The following TBL1X variants were observed in gnomAD, a reference collection of about 807,000 sequenced individuals.
TBL1X encodes F-box-like/WD repeat-containing protein TBL1X.
Under a neutral mutation model 50.7 loss-of-function variants are expected in TBL1X, and 10 were observed. The ratio of observed to expected loss-of-function variants is 0.20; its 90% CI spans 0.12 to 0.33. The LOEUF is 0.33. TBL1X is among the 10% of genes least tolerant of loss of function. TBL1X has a pLI of 1.00. For synonymous variants in TBL1X, 190 were observed against 214.7 expected, an observed-to-expected ratio of 0.88 and a Z score of 1.01; for missense variants, 340 against 504.4, an observed-to-expected ratio of 0.67 and a Z score of 3.12.
intron 11 of TBL1X, among the ~76,000 whole-genome samples, chrX:9,697,168 T>C (rs749855794): frequency 8.9e-6 from 1 of 112,353 alleles, no homozygotes; most frequent in Non-Finnish European, 1.9e-5. Flanking sequence ...ATATAATAGA[T>C]TGCTAATGAA....
At chrX:9,600,615 T>C (rs2082551810) in intron 2 of TBL1X, among the ~76,000 whole-genome samples, 1 of 111,675 alleles carries the variant, frequency 9.0e-6, no homozygotes, top group Non-Finnish European at 1.9e-5. Flanking sequence ...CAGTTGGTTC[T>C]GAAAATCCTT....
chrX:9,472,870 G>A (rs908124415), intron 1 of TBL1X, among the ~76,000 whole-genome samples: 5 of 108,473 alleles, frequency 4.6e-5, no homozygotes, highest in Admixed American at 9.8e-5. Flanking sequence ...CCAAGATTGC[G>A]CCACTGCACT....
At chrX:9,541,671 G>T (rs948762483) in intron 2 of TBL1X, among the ~76,000 whole-genome samples, 1 of 112,500 alleles carries the variant, frequency 8.9e-6, no homozygotes, top group African/African-American at 3.2e-5. Context: ...GTGTGAAAGT[G>T]AGTGTGTGTG....
chrX:9,494,035 A>G (rs1294515066), intron 1 of TBL1X, among the ~76,000 whole-genome samples: 1 of 111,395 alleles, frequency 9.0e-6, no homozygotes, highest in Non-Finnish European at 1.9e-5. Context: ...CATCTTCGAG[A>G]CTGTTCACAG....
At chrX:9,587,220 C>T (rs1158040240) in intron 2 of TBL1X, among the ~76,000 whole-genome samples, 2 of 111,944 alleles carry the variant, frequency 1.8e-5, no homozygotes, top group Admixed American at 9.4e-5. Flanking sequence ...CCATCTGTGT[C>T]GGGAGTGAGA....
chrX:9,562,217 A>T (rs1178150365), intron 2 of TBL1X, among the ~76,000 whole-genome samples: 1 of 112,355 alleles, frequency 8.9e-6, no homozygotes, highest in Non-Finnish European at 1.9e-5. Context: ...CTGTTAATTG[A>T]CAATTTGCTG....
At chrX:9,623,385 C>A in intron 2 of TBL1X, among the ~76,000 whole-genome samples, 1 of 111,318 alleles carries the variant, frequency 9.0e-6, no homozygotes, top group Non-Finnish European at 1.9e-5. Flanking sequence ...TTGCTATGGC[C>A]CTTCGAGAAC....
At chrX:9,638,848 C>T (rs1445323374) in intron 2 of TBL1X, among the ~76,000 whole-genome samples, 2 of 111,679 alleles carry the variant, frequency 1.8e-5, no homozygotes, top group East Asian at 5.6e-4. Flanking sequence ...TAACCCAATC[C>T]TGAAAACAGT....
chrX:9,475,466 G>A (rs1393339109), intron 1 of TBL1X, among the ~76,000 whole-genome samples: 3 of 109,530 alleles, frequency 2.7e-5, no homozygotes, highest in African/African-American at 1.0e-4. Flanking sequence ...GGCTGGTTTC[G>A]AACTCCTGAC....
At chrX:9,597,767 C>T (rs1434482882) in intron 2 of TBL1X, among the ~76,000 whole-genome samples, 2 of 112,210 alleles carry the variant, frequency 1.8e-5, no homozygotes, top group African/African-American at 6.5e-5. Context: ...TCTGATGTTC[C>T]ACTGATGTGA....
intron 2 of TBL1X, among the ~76,000 whole-genome samples, chrX:9,507,252 A>G (rs1417974811): frequency 8.9e-6 from 1 of 112,436 alleles, no homozygotes; most frequent in Non-Finnish European, 1.9e-5. Context: ...GTCTCAGGAT[A>G]CAAAATCAAT....
intron 13 of TBL1X, among the ~76,000 whole-genome samples, chrX:9,707,272 G>A (rs971515554): frequency 1.8e-5 from 2 of 111,421 alleles, no homozygotes; most frequent in Non-Finnish European, 3.8e-5. Context: ...AAAGGAAGGC[G>A]CTTTTAGAGC....
In TBL1X at chrX:9,612,837, A is replaced by G. The variant is rs186444455; in HGVS notation, c.-130-27436A>G. On this transcript the variant is annotated intron_variant, in intron 2 of 17. Transcript: ENST00000645353. ...TATATACACTTACTATGTAACCGCA[A>G]AAATTTTAAGAATATACAAAAAATT... Among the ~76,000 whole-genome samples the G allele has an allele frequency of 3.1e-3, 344 of 111,523 alleles. 1 individual carries two copies. Among genetic ancestry groups the G allele is most frequent in the Non-Finnish European group, 3.5e-3 (185 of 53,175 alleles).
chrX:9,569,065 G>A (rs73188204), intron 2 of TBL1X, among the ~76,000 whole-genome samples: 3 of 71,258 alleles, frequency 4.2e-5, no homozygotes, highest in African/African-American at 1.7e-4. Context: ...TATCTGTGCT[G>A]TGTGTGTCTG....
At chrX:9,706,069 C>T (rs985867693) in intron 13 of TBL1X, among the ~76,000 whole-genome samples, 22 of 110,981 alleles carry the variant, frequency 2.0e-4, no homozygotes, top group Admixed American at 6.7e-4. Context: ...CTCACGAAGA[C>T]AGCAAGCCAC....
chrX:9,577,609 C>T (rs1323129196), intron 2 of TBL1X, among the ~76,000 whole-genome samples: 2 of 112,161 alleles, frequency 1.8e-5, no homozygotes, highest in East Asian at 2.8e-4. Context: ...CTCAACATCC[C>T]ACAGTGCACA....
At chrX:9,675,345 G>T (rs1216889822) in intron 5 of TBL1X, among the ~76,000 whole-genome samples, 2 of 111,985 alleles carry the variant, frequency 1.8e-5, no homozygotes, top group South Asian at 7.4e-4. Context: ...GGCAAGTAGG[G>T]TTAGTGGCAC....
chrX:9,705,632 T>TGTA (rs2083202151), intron 13 of TBL1X, among the ~76,000 whole-genome samples: 1 of 106,316 alleles, frequency 9.4e-6, no homozygotes, highest in Non-Finnish European at 1.9e-5. Flanking sequence ...GATGCACACC[T>TGTA]GTAGTCACAT....
chrX:9,530,352 C>T (rs1274909824), intron 2 of TBL1X, among the ~76,000 whole-genome samples: 1 of 112,279 alleles, frequency 8.9e-6, no homozygotes, highest in African/African-American at 3.2e-5. Context: ...TTCAAGTTTG[C>T]CTGCTTCTAA....
Sources: gnomAD v4.1 joint callset for allele counts (sites outside exome capture counted in the v4.1 genomes callset) on GRCh38, gnomAD v4.1.1 for gene constraint, MANE v1.5 for transcripts, NCBI Gene and HGNC (gene_info 2026-07-23, HGNC 2026-07-21) for gene names.